The following DMD variants were observed in gnomAD, a reference collection of about 807,000 sequenced individuals.
DMD encodes the protein dystrophin.
A neutral mutation model predicts 330.1 loss-of-function variants in DMD; 63 were observed. The observed-to-expected ratio is 0.19, with a 90% CI of 0.16 to 0.24. DMD has a LOEUF of 0.24. Among genes scored for constraint, DMD ranks in the 10% least tolerant of loss-of-function variants. The probability of loss-of-function intolerance (pLI) is 1.00; values close to 1 mark genes in which losing one functional copy is unlikely to be tolerated. For missense variants in DMD, 3,344 were observed against 2,684.1 expected (o/e 1.25, Z -5.43); for synonymous variants, 1,223 against 959.8 (o/e 1.27, Z -5.07).
At chrX:31,447,641 C>CAAAAAG (rs1342203140) in intron 59 of DMD, among the ~76,000 whole-genome samples, 1 of 110,785 alleles carries the variant, frequency 9.0e-6, no homozygotes, top group African/African-American at 3.3e-5. Context: ...AGAGTTGCTT[C>CAAAAAG]AAAAAGAAAA....
intron 1 of DMD, among the ~76,000 whole-genome samples, chrX:33,185,623 C>A (rs1220164025): frequency 9.0e-6 from 1 of 111,360 alleles, no homozygotes; most frequent in African/African-American, 3.3e-5. Flanking sequence ...TCCTCCCCCA[C>A]AAAAACTTTT....
At chrX:32,735,754 C>A (rs1349360159) in intron 7 of DMD, among the ~76,000 whole-genome samples, 1 of 111,985 alleles carries the variant, frequency 8.9e-6, no homozygotes, top group African/African-American at 3.3e-5. Flanking sequence ...ACACCTTATA[C>A]AAAAATCAAT....
intron 11 of DMD, among the ~76,000 whole-genome samples, chrX:32,627,622 G>A (rs111684743): frequency 3.6e-5 from 4 of 110,690 alleles, no homozygotes; most frequent in Non-Finnish European, 5.7e-5. Context: ...AGGTAGTTTG[G>A]CTCCGGGGCC....
intron 45 of DMD, among the ~76,000 whole-genome samples, chrX:31,955,964 C>T (rs2095242011): frequency 8.9e-6 from 1 of 112,452 alleles, no homozygotes; most frequent in African/African-American, 3.2e-5. Context: ...CATTCCACTA[C>T]ATTTTGAATG....
At chrX:32,976,736 T>A (rs1005876656) in intron 2 of DMD, among the ~76,000 whole-genome samples, 2 of 111,874 alleles carry the variant, frequency 1.8e-5, no homozygotes, top group Non-Finnish European at 3.8e-5. Context: ...TCTAGAGCAG[T>A]ATGTACCTTT....
chrX:32,088,881 T>G (rs768237432), intron 44 of DMD, among the ~76,000 whole-genome samples: 11 of 111,309 alleles, frequency 9.9e-5, no homozygotes, highest in Non-Finnish European at 1.9e-4. Context: ...CATTGAGTGT[T>G]CAGTCCGAGC....
At chrX:31,269,537 G>A (rs780599084) in intron 62 of DMD, among the ~76,000 whole-genome samples, 2 of 111,560 alleles carry the variant, frequency 1.8e-5, no homozygotes, top group African/African-American at 3.3e-5. Flanking sequence ...AGACTCATGC[G>A]CTTAGCTATT....
intron 43 of DMD, among the ~76,000 whole-genome samples, chrX:32,223,492 A>G (rs2097138035): frequency 9.0e-6 from 1 of 111,704 alleles, no homozygotes; most frequent in African/African-American, 3.2e-5. Context: ...GGCTATTACT[A>G]TGCTGCTATG....
At chrX:32,603,825 G>T (rs935075034) in intron 12 of DMD, among the ~76,000 whole-genome samples, 1 of 111,113 alleles carries the variant, frequency 9.0e-6, no homozygotes, top group Non-Finnish European at 1.9e-5. Flanking sequence ...ATCTTGGACA[G>T]ACCAATAACA....
At chrX:32,886,600 G>A (rs747056472) in intron 2 of DMD, among the ~76,000 whole-genome samples, 4 of 110,173 alleles carry the variant, frequency 3.6e-5, no homozygotes, top group African/African-American at 9.9e-5. Context: ...GGAGAATGGC[G>A]TGAACCCAGG....
At chrX:33,264,884 TATG>T (rs1229933618) in intron 1 of DMD, among the ~76,000 whole-genome samples, 1 of 110,572 alleles carries the variant, frequency 9.0e-6, no homozygotes, top group Non-Finnish European at 1.9e-5. Context: ...GCACAGAAAT[TATG>T]ATGACATTGA....
chrX:32,866,892 C>T (rs1229111729), intron 2 of DMD, among the ~76,000 whole-genome samples: 2 of 110,572 alleles, frequency 1.8e-5, no homozygotes, highest in African/African-American at 6.6e-5. Flanking sequence ...TGCCACCACG[C>T]CCAGCTGATT....
At chrX:32,061,583 T>C (rs1023701439) in intron 44 of DMD, among the ~76,000 whole-genome samples, 1 of 111,537 alleles carries the variant, frequency 9.0e-6, no homozygotes, top group African/African-American at 3.3e-5. Flanking sequence ...TTAGCACAGG[T>C]ATTTGAAATT....
intron 2 of DMD, among the ~76,000 whole-genome samples, chrX:32,980,858 A>T (rs2092690676): frequency 8.9e-6 from 1 of 112,038 alleles, no homozygotes; most frequent in Non-Finnish European, 1.9e-5. Context: ...ATCAGCGAAC[A>T]TAGCATTAAG....
chrX:32,069,239 G>A (rs2096280000), intron 44 of DMD, among the ~76,000 whole-genome samples: 1 of 111,147 alleles, frequency 9.0e-6, no homozygotes, highest in African/African-American at 3.3e-5. Flanking sequence ...CACATTATAC[G>A]CTTGTATCAA....
chrX:32,061,989 C>T (rs1380235792), intron 44 of DMD, among the ~76,000 whole-genome samples: 1 of 111,025 alleles, frequency 9.0e-6, no homozygotes, highest in Non-Finnish European at 1.9e-5. Flanking sequence ...TTAGTGAAAT[C>T]ATTTCACGGA....
chrX:32,063,215 T>C (rs865792775), intron 44 of DMD, among the ~76,000 whole-genome samples: 113 of 64,380 alleles, frequency 1.8e-3, no homozygotes, highest in South Asian at 0.012. Flanking sequence ...CACACACACA[T>C]GATTATATAT....
chrX:32,523,006 C>T (rs990680760), intron 17 of DMD, among the ~76,000 whole-genome samples: 6 of 111,756 alleles, frequency 5.4e-5, no homozygotes, highest in African/African-American at 1.6e-4. Flanking sequence ...AAAGATTGCT[C>T]ACTTCTACTT....
intron 55 of DMD, among the ~76,000 whole-genome samples, chrX:31,525,364 A>C (rs1295181029): frequency 8.9e-6 from 1 of 112,140 alleles, no homozygotes; most frequent in Admixed American, 9.5e-5. Flanking sequence ...CTTACAGCAG[A>C]GAGTTCCACT....
Sources: allele counts gnomAD v4.1 joint callset (sites outside exome capture counted in the v4.1 genomes callset), GRCh38; gene constraint gnomAD v4.1.1; transcripts MANE v1.5; gene names NCBI Gene and HGNC (gene_info 2026-07-23, HGNC 2026-07-21).